The following DOCK4 variants were observed in gnomAD, a reference collection of about 807,000 sequenced individuals.
The protein encoded by DOCK4 is dedicator of cytokinesis 4, also known as dedicator of cytokinesis protein 4.
Under a neutral mutation model 268.1 loss-of-function variants are expected in DOCK4, and 97 were observed. That is an observed-to-expected ratio of 0.36 (90% CI 0.31 to 0.43). The LOEUF (loss-of-function observed/expected upper bound fraction) is 0.43. Among genes scored for constraint, DOCK4 ranks in the 20% least tolerant of loss-of-function variants. The pLI is 1.00. For missense variants in DOCK4, 2,145 were observed against 2,455.7 expected, an observed-to-expected ratio of 0.87 and a Z score of 2.67; for synonymous variants, 954 against 887.2, an observed-to-expected ratio of 1.08 and a Z score of -1.34.
intron 6 of DOCK4, among the ~76,000 whole-genome samples, chr7:111,987,372 T>C (rs765256237): frequency 6.6e-6 from 1 of 152,220 alleles, no homozygotes; most frequent in Non-Finnish European, 1.5e-5. Context: ...CTGTGTTATT[T>C]TGGATAAGCT....
At chr7:112,192,768 C>G (rs1314434065) in intron 1 of DOCK4, among the ~76,000 whole-genome samples, 1 of 152,068 alleles carries the variant, frequency 6.6e-6, no homozygotes, top group Non-Finnish European at 1.5e-5. Context: ...ATCAAGCTAG[C>G]ATATTGCCTT....
chr7:111,846,876 A>G (rs1210733072), intron 24 of DOCK4, 123 bp downstream of exon 24: 21 of 1,160,150 alleles, frequency 1.8e-5, no homozygotes, highest in Middle Eastern at 3.1e-4. Flanking sequence ...AGTCCAGCCC[A>G]GCTGGAAATA....
intron 8 of DOCK4, among the ~76,000 whole-genome samples, chr7:111,946,253 A>T (rs1346304747): frequency 6.6e-6 from 1 of 152,228 alleles, no homozygotes; most frequent in Non-Finnish European, 1.5e-5. Flanking sequence ...TGGTCTTATA[A>T]GTCTCCAATC....
intron 7 of DOCK4, among the ~76,000 whole-genome samples, chr7:111,979,245 A>G (rs540812159): frequency 6.6e-6 from 1 of 152,206 alleles, no homozygotes; most frequent in African/African-American, 2.4e-5. Context: ...CAAAGGGTGG[A>G]AAAAATTTAG....
At chr7:112,039,495 T>A (rs1395887828) in intron 1 of DOCK4, among the ~76,000 whole-genome samples, 6 of 152,102 alleles carry the variant, frequency 3.9e-5, no homozygotes, top group Non-Finnish European at 2.9e-5. Context: ...TTGTTGTTTT[T>A]ATACATTATA....
At chr7:112,135,008 T>TATATATG (rs926734325) in intron 1 of DOCK4, among the ~76,000 whole-genome samples, 4 of 151,890 alleles carry the variant, frequency 2.6e-5, no homozygotes, top group Non-Finnish European at 4.4e-5. Context: ...TGTGTGTGTA[T>TATATATG]ATATATGTAT....
In DOCK4 at chr7:112,004,033, CA is replaced by C. The variant is rs1419965095; in HGVS notation, c.121+14del. 1.9e-6 allele frequency: 3 copies of C among 1,584,050 alleles called. No homozygotes were observed. The highest frequency in any genetic ancestry group is 1.3e-5 in the African/African-American group (1 of 74,386). On this transcript the variant is annotated intron_variant, in intron 2 of 52. Coordinates refer to ENST00000428084, the MANE Select transcript of DOCK4 (RefSeq NM_001363540.2). ...ACAGCCGTATGTTGAGGAGGTTGTT[CA>C]TAAGGCTACTCACCATCACACTTCT...
intron 8 of DOCK4, among the ~76,000 whole-genome samples, chr7:111,969,323 T>C (rs1797505407): frequency 6.6e-6 from 1 of 151,330 alleles, no homozygotes; most frequent in Admixed American, 6.6e-5. Context: ...GATTTCTAAA[T>C]CTACATTTTC....
intron 49 of DOCK4, among the ~76,000 whole-genome samples, chr7:111,737,281 T>C (rs1795571317): frequency 1.3e-5 from 2 of 152,190 alleles, no homozygotes; most frequent in Non-Finnish European, 2.9e-5. Context: ...AGTTGTGCTA[T>C]GAAGTTCTTT....
intron 12 of DOCK4, among the ~76,000 whole-genome samples, chr7:111,921,856 T>C (rs1793163861): frequency 6.6e-6 from 1 of 152,180 alleles, no homozygotes; most frequent in African/African-American, 2.4e-5. Flanking sequence ...CATCAAAAAA[T>C]GGCCAAAGTC....
chr7:111,871,428 G>A (rs938188013), intron 20 of DOCK4, among the ~76,000 whole-genome samples: 1 of 152,172 alleles, frequency 6.6e-6, no homozygotes, highest in Non-Finnish European at 1.5e-5. Flanking sequence ...AGTAGAAAAG[G>A]AGGAGCAGTT....
intron 1 of DOCK4, among the ~76,000 whole-genome samples, chr7:112,127,071 A>T (rs1813288899): frequency 6.6e-6 from 1 of 151,716 alleles, no homozygotes; most frequent in Non-Finnish European, 1.5e-5. Flanking sequence ...TATATACCCA[A>T]AGGACTATAA....
Position 111,783,999 on chromosome 7 carries a change from G to C in DOCK4, c.3429-47C>G, listed in dbSNP as rs779854127. The stretch of plus-strand genomic sequence containing the variant: ...GCATTTTCAACATTTATTTTTATCA[G>C]TCACCATGACAACCACTTTACTTTC... On this transcript the variant is annotated intron_variant, in intron 33 of 52. Coordinates refer to ENST00000428084, the MANE Select transcript of DOCK4 (RefSeq NM_001363540.2). The C allele has an allele frequency of 2.6e-5, 41 of 1,569,874 alleles. 2 individuals are homozygous for C. The South Asian group carries it at 4.4e-4, about 17-fold the overall frequency.
intron 1 of DOCK4, among the ~76,000 whole-genome samples, chr7:112,055,816 G>A (rs1014033027): frequency 6.6e-6 from 1 of 151,838 alleles, no homozygotes; most frequent in African/African-American, 2.4e-5. Flanking sequence ...GCCAAGGCAG[G>A]AGAATTGCTT....
chr7:112,025,827 AC>A (rs1210219725), intron 1 of DOCK4, among the ~76,000 whole-genome samples: 1 of 152,116 alleles, frequency 6.6e-6, no homozygotes, highest in African/African-American at 2.4e-5. Flanking sequence ...TCTGCTGAGA[AC>A]AGCCCCATTC....
intron 32 of DOCK4, among the ~76,000 whole-genome samples, chr7:111,785,610 T>C (rs1029500977): frequency 2.0e-5 from 3 of 152,206 alleles, no homozygotes; most frequent in Non-Finnish European, 4.4e-5. Context: ...CCAGATCATC[T>C]GTGTGCTCAG....
intron 1 of DOCK4, among the ~76,000 whole-genome samples, chr7:112,066,713 A>ATGTG (rs1563052397): frequency 2.4e-5 from 2 of 83,178 alleles, no homozygotes; most frequent in Admixed American, 2.2e-4. Flanking sequence ...ATATATATAT[A>ATGTG]TATATATATA....
intron 30 of DOCK4, among the ~76,000 whole-genome samples, chr7:111,805,927 T>C (rs1403696399): frequency 1.3e-5 from 2 of 152,206 alleles, no homozygotes; most frequent in Non-Finnish European, 2.9e-5. Context: ...ATTTATGAAA[T>C]CATAAAAGCT....
At chr7:112,041,878 G>A (rs1044175002) in intron 1 of DOCK4, among the ~76,000 whole-genome samples, 5 of 152,166 alleles carry the variant, frequency 3.3e-5, no homozygotes, top group African/African-American at 7.2e-5. Context: ...ATCAGATAGC[G>A]TACTTCTGGA....
Sources: gnomAD v4.1 joint callset for allele counts (sites outside exome capture counted in the v4.1 genomes callset) on GRCh38, gnomAD v4.1.1 for gene constraint, MANE v1.5 for transcripts, NCBI Gene and HGNC (gene_info 2026-07-23, HGNC 2026-07-21) for gene names.